Variants in TAPT1 observed in about 807,000 individuals in gnomAD.
The protein encoded by TAPT1 is transmembrane anterior posterior transformation 1.
Under a neutral mutation model 65.6 loss-of-function variants are expected in TAPT1, and 28 were observed. The ratio of observed to expected loss-of-function variants is 0.43; its 90% CI spans 0.32 to 0.59. The LOEUF is 0.59. Among genes scored for constraint, TAPT1 ranks in the 20% least tolerant of loss-of-function variants. The pLI is 0.09. For missense variants in TAPT1, 563 were observed against 679.9 expected, an observed-to-expected ratio of 0.83 and a Z score of 1.91; for synonymous variants, 278 against 245.2, an observed-to-expected ratio of 1.13 and a Z score of -1.25.
At chr4:16,197,528 C>T (rs1207399696) in intron 3 of TAPT1, among the ~76,000 whole-genome samples, 1 of 152,120 alleles carries the variant, frequency 6.6e-6, no homozygotes, top group Admixed American at 6.5e-5. Context: ...ACAAAAATGC[C>T]AGGTAAATCA....
At chr4:16,188,633 A>G (rs1442645616) in intron 4 of TAPT1, among the ~76,000 whole-genome samples, 1 of 152,214 alleles carries the variant, frequency 6.6e-6, no homozygotes, top group African/African-American at 2.4e-5. Flanking sequence ...AGGGGTGGGC[A>G]CATCTGGCCG....
At chr4:16,174,176 CAA>C in intron 11 of TAPT1, 26 bp downstream of exon 11, 1 of 1,530,084 alleles carries the variant, frequency 6.5e-7, no homozygotes, top group Non-Finnish European at 8.9e-7. Flanking sequence ...TACTTTGTTA[CAA>C]AAAACATTAA....
At chr4:16,204,008 T>A (rs1337331412) in intron 2 of TAPT1, among the ~76,000 whole-genome samples, 2 of 151,910 alleles carry the variant, frequency 1.3e-5, no homozygotes, top group African/African-American at 4.8e-5. Context: ...TAGCGTAGAG[T>A]CCCAGTGTTG....
intron 3 of TAPT1, among the ~76,000 whole-genome samples, chr4:16,196,019 C>T (rs1032336384): frequency 2.6e-5 from 4 of 152,122 alleles, no homozygotes; most frequent in African/African-American, 9.7e-5. Context: ...TATTTTCAGC[C>T]ATTTGTGGTA....
At chr4:16,181,056 A>C (rs1748682402) in intron 7 of TAPT1, among the ~76,000 whole-genome samples, 1 of 152,228 alleles carries the variant, frequency 6.6e-6, no homozygotes. Context: ...CTGTGACTTC[A>C]AAAGAGGATA....
intron 1 of TAPT1, among the ~76,000 whole-genome samples, chr4:16,219,906 A>G (rs1751151682): frequency 6.6e-6 from 1 of 152,192 alleles, no homozygotes; most frequent in South Asian, 2.1e-4. Flanking sequence ...AAAATGATCA[A>G]CCATCTCTCT....
intron 7 of TAPT1, 134 bp downstream of exon 7, chr4:16,186,401 A>G: frequency 1.7e-6 from 1 of 581,404 alleles, no homozygotes. Context: ...AAAACCTAGT[A>G]AAGATGTTGA....
intron 7 of TAPT1, chr4:16,182,824 A>G (rs191287070): frequency 1.3e-5 from 2 of 152,352 alleles, no homozygotes; most frequent in East Asian, 3.9e-4. Context: ...TTTGGTAACT[A>G]AACTACTTTT....
intron 1 of TAPT1, 152 bp downstream of exon 1, chr4:16,226,107 C>T (rs945243123): frequency 7.9e-5 from 81 of 1,031,130 alleles, no homozygotes; most frequent in Non-Finnish European, 8.8e-5. Flanking sequence ...GCCTCGGCAG[C>T]CTCGGCGGCT....
Position 16,176,135 on chromosome 4 carries a change from T to G in TAPT1, c.1091A>C (p.Asn364Thr), listed in dbSNP as rs1182741102. Residue 364 changes from asparagine (N) to threonine (T), a missense_variant, in exon 9 of 14, where the codon AAT (asparagine) becomes ACT (threonine). Coordinates refer to ENST00000405303, the MANE Select transcript of TAPT1 (RefSeq NM_153365.3). ...IVKHAFITKF[N>T]DITADVYSEY... ...AATACATACATCTGCAGTAATGTCA[T>G]TGAATTTAGTAATAAAGGCATGTTT... 23 of 1,536,472 alleles carry G rather than the reference T, an allele frequency of 1.5e-5. No homozygotes were observed. The highest frequency in any genetic ancestry group is 2.0e-5 in the Non-Finnish European group (23 of 1,131,266).
chr4:16,222,534 A>G (rs1042523734), intron 1 of TAPT1, among the ~76,000 whole-genome samples: 3 of 152,222 alleles, frequency 2.0e-5, no homozygotes, highest in African/African-American at 4.8e-5. Flanking sequence ...CCACTGGGAT[A>G]ACTATGTGAT....
chr4:16,211,662 G>A (rs1160575796), intron 2 of TAPT1, among the ~76,000 whole-genome samples: 1 of 152,176 alleles, frequency 6.6e-6, no homozygotes, highest in Non-Finnish European at 1.5e-5. Context: ...TATGAGCAGT[G>A]TTGATGCAAC....
intron 2 of TAPT1, among the ~76,000 whole-genome samples, chr4:16,209,760 A>G (rs540847380): frequency 2.0e-5 from 3 of 152,356 alleles, no homozygotes; most frequent in South Asian, 2.1e-4. Context: ...AATAGTATAT[A>G]TATCTTGTGA....
chr4:16,172,254 A>G (rs1748042867), intron 11 of TAPT1, among the ~76,000 whole-genome samples: 1 of 152,212 alleles, frequency 6.6e-6, no homozygotes, highest in Non-Finnish European at 1.5e-5. Context: ...TTTCAAAAAA[A>G]GTTCATACTA....
At chr4:16,206,803 C>T (rs1241384373) in intron 2 of TAPT1, among the ~76,000 whole-genome samples, 1 of 151,946 alleles carries the variant, frequency 6.6e-6, no homozygotes, top group African/African-American at 2.4e-5. Flanking sequence ...TAAACATGGC[C>T]CCATGGTGCC....
At chr4:16,216,839 C>G (rs894868887) in intron 1 of TAPT1, among the ~76,000 whole-genome samples, 1 of 152,180 alleles carries the variant, frequency 6.6e-6, no homozygotes, top group Admixed American at 6.5e-5. Flanking sequence ...GCAGCTCACA[C>G]AGATCAGATA....
At chr4:16,191,807 C>T (rs993866638) in intron 3 of TAPT1, among the ~76,000 whole-genome samples, 1 of 152,320 alleles carries the variant, frequency 6.6e-6, no homozygotes, top group Non-Finnish European at 1.5e-5. Context: ...AGGGTGCTTT[C>T]CAGCAACAGA....
At chr4:16,176,080 G>A (rs1384005575) in intron 9 of TAPT1, 39 bp downstream of exon 9, 1 of 1,009,118 alleles carries the variant, frequency 9.9e-7, no homozygotes, top group African/African-American at 1.7e-5. Context: ...AGCAACAGAA[G>A]TAAACTTTAA....
intron 2 of TAPT1, among the ~76,000 whole-genome samples, chr4:16,204,823 A>T (rs1025677821): frequency 5.9e-5 from 9 of 152,242 alleles, no homozygotes; most frequent in African/African-American, 2.2e-4. Flanking sequence ...TACTAATGAC[A>T]CTTTCACTCA....
Sources: allele counts gnomAD v4.1 joint callset (sites outside exome capture counted in the v4.1 genomes callset), GRCh38; gene constraint gnomAD v4.1.1; transcripts MANE v1.5; gene names NCBI Gene and HGNC (gene_info 2026-07-23, HGNC 2026-07-21).